Variants in ADAMTS6 observed in about 807,000 individuals in gnomAD.
The protein encoded by ADAMTS6 is ADAM metallopeptidase with thrombospondin type 1 motif 6.
In ADAMTS6, 23 loss-of-function variants were observed where a neutral mutation model predicts 144.3. The ratio of observed to expected loss-of-function variants is 0.16; its 90% confidence interval spans 0.11 to 0.23. ADAMTS6 has a LOEUF of 0.23. Ranked by LOEUF, ADAMTS6 falls within the 10% of genes least tolerant of loss-of-function variation. ADAMTS6 has a pLI of 1.00. For synonymous variants in ADAMTS6, 444 were observed against 457.5 expected, an observed-to-expected ratio of 0.97 and a Z score of 0.38; for missense variants, 999 against 1,379.6, an observed-to-expected ratio of 0.72 and a Z score of 4.37.
intron 22 of ADAMTS6, among the ~76,000 whole-genome samples, chr5:65,186,181 C>G (rs1291043670): frequency 1.3e-5 from 2 of 152,130 alleles, no homozygotes; most frequent in Admixed American, 6.5e-5. Context: ...TCCCTATTCT[C>G]TTCCCTACTC....
intron 7 of ADAMTS6, among the ~76,000 whole-genome samples, chr5:65,353,336 T>A (rs1327812892): frequency 6.6e-6 from 1 of 152,052 alleles, no homozygotes; most frequent in Non-Finnish European, 1.5e-5. Flanking sequence ...TTACAGAAGT[T>A]AAGTAACTTA....
chr5:65,378,393 T>C (rs1484415018), intron 7 of ADAMTS6, among the ~76,000 whole-genome samples: 2 of 152,192 alleles, frequency 1.3e-5, no homozygotes, highest in East Asian at 3.8e-4. Flanking sequence ...CTCATGGTAC[T>C]AATTCAGTTT....
intron 4 of ADAMTS6, among the ~76,000 whole-genome samples, chr5:65,456,749 C>T (rs572329436): frequency 1.3e-5 from 2 of 152,162 alleles, no homozygotes; most frequent in South Asian, 4.2e-4. Context: ...TAGAAGAATA[C>T]TTAGTTATCT....
intron 7 of ADAMTS6, among the ~76,000 whole-genome samples, chr5:65,374,326 T>C (rs2150125359): frequency 6.6e-6 from 1 of 151,152 alleles, no homozygotes; most frequent in Non-Finnish European, 1.5e-5. Context: ...ATTGTCCCTG[T>C]TTGCAGACGA....
intron 11 of ADAMTS6, among the ~76,000 whole-genome samples, chr5:65,287,953 G>A (rs1211267546): frequency 1.3e-5 from 2 of 152,090 alleles, no homozygotes; most frequent in Non-Finnish European, 2.9e-5. Context: ...TCTGTATATT[G>A]TACTGTACTG....
chr5:65,329,503 C>T lies in ADAMTS6; in HGVS notation c.1118-20G>A. On this transcript the variant is annotated intron_variant, in intron 8 of 24. Transcript: ENST00000381055. ...CCAAGCCTGAATAAACAGAAAGAGA[C>T]ACAAAGGGTCAAGCCAAGGTGTTTC... 6 of 1,594,896 alleles carry T rather than the reference C, an allele frequency of 3.8e-6. No homozygotes were observed. Among genetic ancestry groups the T allele is most frequent in the Non-Finnish European group, 5.1e-6 (6 of 1,171,474 alleles).
intron 14 of ADAMTS6, among the ~76,000 whole-genome samples, chr5:65,256,961 T>TCTCTC (rs1554056689): frequency 0.011 from 1,289 of 117,404 alleles, 9 homozygotes; most frequent in Non-Finnish European, 0.015. Flanking sequence ...GGGTCACTTT[T>TCTCTC]TCTCTCTCTC....
At chr5:65,398,788 G>GAAAGAAAGAAAGAAAGA (rs1554083168) in intron 7 of ADAMTS6, among the ~76,000 whole-genome samples, 1 of 20,378 alleles carries the variant, frequency 4.9e-5, no homozygotes, top group South Asian at 1.6e-3. Flanking sequence ...GAGCAAGAAA[G>GAAAGAAAGAAAGAAAGA]AAAGAAAGAA....
At chr5:65,255,129 G>C (rs1187422400) in intron 14 of ADAMTS6, among the ~76,000 whole-genome samples, 1 of 152,122 alleles carries the variant, frequency 6.6e-6, no homozygotes, top group Non-Finnish European at 1.5e-5. Context: ...CTCTCAGGAG[G>C]GGTGACCCTA....
chr5:65,444,392 T>C (rs778942995), intron 7 of ADAMTS6, among the ~76,000 whole-genome samples: 2 of 152,050 alleles, frequency 1.3e-5, no homozygotes, highest in Admixed American at 1.3e-4. Flanking sequence ...TTAAAACCAA[T>C]AAATGAACTT....
At chr5:65,288,748 C>T (rs1373794607) in intron 11 of ADAMTS6, among the ~76,000 whole-genome samples, 1 of 152,206 alleles carries the variant, frequency 6.6e-6, no homozygotes, top group Non-Finnish European at 1.5e-5. Context: ...CCTAAGTCTA[C>T]AGCAACTGTA....
At chr5:65,468,548 A>C (rs1240613365) in intron 3 of ADAMTS6, among the ~76,000 whole-genome samples, 1 of 152,140 alleles carries the variant, frequency 6.6e-6, no homozygotes, top group Non-Finnish European at 1.5e-5. Flanking sequence ...CGAACTGCCA[A>C]GGGAAAAAAT....
chr5:65,328,754 T>A (rs1172887950), intron 9 of ADAMTS6, among the ~76,000 whole-genome samples: 1 of 141,696 alleles, frequency 7.1e-6, no homozygotes, highest in Non-Finnish European at 1.5e-5. Flanking sequence ...TTTAAAATTT[T>A]AAAAATGGTA....
chr5:65,317,117 A>C (rs1023979347), intron 9 of ADAMTS6, among the ~76,000 whole-genome samples: 1 of 152,116 alleles, frequency 6.6e-6, no homozygotes, highest in Non-Finnish European at 1.5e-5. Context: ...TAAAAATCTT[A>C]AATGTGAATG....
chr5:65,184,860 A>G (rs1754574926), intron 22 of ADAMTS6, among the ~76,000 whole-genome samples: 1 of 151,592 alleles, frequency 6.6e-6, no homozygotes, highest in South Asian at 2.1e-4. Context: ...CGCTGGCTTT[A>G]CAACAATGGA....
chr5:65,207,996 T>A (rs367998966), intron 20 of ADAMTS6, among the ~76,000 whole-genome samples: 7 of 152,356 alleles, frequency 4.6e-5, no homozygotes, highest in African/African-American at 1.7e-4. Flanking sequence ...TATATAGGCA[T>A]GCCCAAGGCC....
At chr5:65,443,542 A>G (rs1264601997) in intron 7 of ADAMTS6, among the ~76,000 whole-genome samples, 1 of 143,342 alleles carries the variant, frequency 7.0e-6, no homozygotes, top group Non-Finnish European at 1.5e-5. Flanking sequence ...GGACTGCTTG[A>G]GCCTGGGAGG....
intron 7 of ADAMTS6, among the ~76,000 whole-genome samples, chr5:65,446,114 G>T (rs1758254075): frequency 6.6e-6 from 1 of 152,120 alleles, no homozygotes; most frequent in Admixed American, 6.5e-5. Context: ...GGTCATAAAA[G>T]AGGTAACTGG....
chr5:65,291,840 G>A (rs1365201267), intron 10 of ADAMTS6, among the ~76,000 whole-genome samples: 1 of 151,340 alleles, frequency 6.6e-6, no homozygotes, highest in Non-Finnish European at 1.5e-5. Flanking sequence ...ATGAAATGCA[G>A]AAAATTAAAA....
Sources: allele counts gnomAD v4.1 joint callset (sites outside exome capture counted in the v4.1 genomes callset), GRCh38; gene constraint gnomAD v4.1.1; transcripts MANE v1.5; gene names NCBI Gene and HGNC (gene_info 2026-07-23, HGNC 2026-07-21).